SULT4A1: variants seen among roughly 807,000 people sequenced by gnomAD.
The protein encoded by SULT4A1 is sulfotransferase 4A1.
SULT4A1 carries 11 observed loss-of-function variants against 35.2 expected under a neutral mutation model. The ratio of observed to expected loss-of-function variants is 0.31; its 90% confidence interval spans 0.20 to 0.52. The LOEUF (loss-of-function observed/expected upper bound fraction) is 0.52, where lower values mean the gene tolerates loss of function less well. SULT4A1 is among the 20% of genes least tolerant of loss of function. The pLI is 0.97. For missense variants in SULT4A1, 271 were observed against 383.7 expected, an observed-to-expected ratio of 0.71 and a Z score of 2.45; for synonymous variants, 152 against 151.8, an observed-to-expected ratio of 1.00 and a Z score of -0.01.
intron 1 of SULT4A1, among the ~76,000 whole-genome samples, chr22:43,857,919 G>A (rs569316128): frequency 2.3e-4 from 35 of 151,814 alleles, no homozygotes; most frequent in African/African-American, 6.5e-4. Flanking sequence ...GTGTGGTGGC[G>A]CACACCTGCA....
intron 1 of SULT4A1, among the ~76,000 whole-genome samples, chr22:43,849,301 T>C (rs2063495907): frequency 6.6e-6 from 1 of 152,068 alleles, no homozygotes; most frequent in Non-Finnish European, 1.5e-5. Flanking sequence ...CAGGGAAAGA[T>C]GGGGCAGAAG....
chr22:43,860,133 C>G (rs1010160514), intron 1 of SULT4A1, among the ~76,000 whole-genome samples: 1 of 152,206 alleles, frequency 6.6e-6, no homozygotes, highest in African/African-American at 2.4e-5. Context: ...CAGGCCCTTC[C>G]GGCTCTGACC....
At chr22:43,861,922 C>T (rs967990705) in intron 1 of SULT4A1, among the ~76,000 whole-genome samples, 3 of 152,220 alleles carry the variant, frequency 2.0e-5, no homozygotes, top group African/African-American at 7.2e-5. Context: ...CGGCCCTGGG[C>T]CCATCCTCCT....
intron 1 of SULT4A1, among the ~76,000 whole-genome samples, chr22:43,843,479 C>G (rs2063449963): frequency 6.6e-6 from 1 of 152,222 alleles, no homozygotes; most frequent in Non-Finnish European, 1.5e-5. Context: ...GGTCATGAGA[C>G]CCCCAGTTCA....
chr22:43,848,888 G>A (rs376701790), intron 1 of SULT4A1, among the ~76,000 whole-genome samples: 2 of 152,254 alleles, frequency 1.3e-5, no homozygotes, highest in African/African-American at 4.8e-5. Flanking sequence ...ACAGGGCAGA[G>A]CCACCTGCTG....
intron 6 of SULT4A1, chr22:43,827,406 A>G: frequency 8.5e-7 from 1 of 1,178,306 alleles, no homozygotes; most frequent in African/African-American, 1.6e-5. Flanking sequence ...TAACCCTTTA[A>G]TGATACCTAA....
At chr22:43,860,040 C>A (rs1329859539) in intron 1 of SULT4A1, among the ~76,000 whole-genome samples, 1 of 152,146 alleles carries the variant, frequency 6.6e-6, no homozygotes, top group Non-Finnish European at 1.5e-5. Flanking sequence ...ATTATCATTG[C>A]CTTAGCCACC....
chr22:43,841,093 C>T (rs563877001), intron 2 of SULT4A1, among the ~76,000 whole-genome samples: 27 of 152,344 alleles, frequency 1.8e-4, no homozygotes, highest in African/African-American at 6.0e-4. Context: ...GCCCTCGGCA[C>T]GGCAGTACGG....
chr22:43,831,770 C>T (rs931597517), intron 5 of SULT4A1, among the ~76,000 whole-genome samples: 3 of 152,234 alleles, frequency 2.0e-5, no homozygotes, highest in Non-Finnish European at 4.4e-5. Flanking sequence ...GAGATGAAAC[C>T]GCGGTGGCCT....
rs2049486228 is a variant in SULT4A1, at chr22:43,862,457, GCGCCCCGCACA to G, written c.-86_-76del. ...CGCGCCCGCGCCCGCGCCCGCGCCC[GCGCCCCGCACA>G]CGCTCGCGCCCCACCGGCGCGCGGC... On this transcript the variant is annotated 5_prime_UTR_variant, in exon 1 of 7. Transcript: ENST00000330884. The G allele has an allele frequency of 1.3e-6, 1 of 747,038 alleles. No individual in the cohort carries two copies. Among genetic ancestry groups the G allele is most frequent in the African/African-American group, 1.9e-5 (1 of 52,778 alleles). 46.3% of individuals were successfully genotyped at this position (747,038 alleles called of 1,614,324 possible).
intron 6 of SULT4A1, chr22:43,827,200 G>A (rs2063293117): frequency 1.0e-6 from 1 of 985,286 alleles, no homozygotes; most frequent in Admixed American, 6.1e-5. Flanking sequence ...AGCTCTCTGA[G>A]ATCAGAGCTC....
intron 5 of SULT4A1, among the ~76,000 whole-genome samples, chr22:43,833,418 G>C (rs1206198562): frequency 1.3e-5 from 2 of 151,296 alleles, no homozygotes; most frequent in Non-Finnish European, 2.9e-5. Flanking sequence ...GGGTCCCTCA[G>C]CCTCGCACGG....
At position 43,862,474 on chromosome 22, in the gene SULT4A1, G is replaced by A. The variant is rs1289691898; in HGVS notation, c.-92C>T. ...CCGCGCCCGCGCCCCGCACACGCTC[G>A]CGCCCCACCGGCGCGCGGCGGCAGC... is the stretch of plus-strand genomic sequence containing the variant. On this transcript the variant is annotated 5_prime_UTR_variant, in exon 1 of 7. Transcript: ENST00000330884. 9.2e-6 allele frequency: 8 copies of A among 872,092 alleles called. No individual in the cohort carries two copies. The highest frequency in any genetic ancestry group is 5.7e-5 in the African/African-American group (3 of 52,430). The allele number at this position is 872,092 out of a possible 1,614,324, so 54.0% of individuals were successfully genotyped here. A position where few individuals can be genotyped will look rare whatever the true frequency, so the allele number is the denominator to read the frequency against.
At chr22:43,840,157 A>C (rs2063413470) in intron 2 of SULT4A1, 132 bp from the exon 3 acceptor site, 1 of 643,948 alleles carries the variant, frequency 1.6e-6, no homozygotes, top group Non-Finnish European at 2.6e-6. Flanking sequence ...ATCAGAGGGA[A>C]CGGCGGGTCT....
chr22:43,860,509 G>A (rs1462507486), intron 1 of SULT4A1, among the ~76,000 whole-genome samples: 3 of 152,066 alleles, frequency 2.0e-5, no homozygotes, highest in African/African-American at 7.3e-5. Flanking sequence ...TTCTCCCTCC[G>A]CAGAGACCAC....
At chr22:43,841,689 T>C in intron 2 of SULT4A1, 113 bp downstream of exon 2, 1 of 1,482,226 alleles carries the variant, frequency 6.7e-7, no homozygotes, top group South Asian at 1.4e-5. Flanking sequence ...TATCTGGGGC[T>C]ATCTGCTCTC....
chr22:43,862,240 A>G lies in SULT4A1; in HGVS notation c.143T>C (p.Val48Ala). The G allele has an allele frequency of 6.4e-7, 1 of 1,564,758 alleles. No homozygotes were observed. The highest frequency in any genetic ancestry group is 2.5e-5 in the East Asian group (1 of 39,494). Residue 48 changes from valine (V) to alanine (A), a missense_variant, in exon 1 of 7, where the codon GTG (valine) becomes GCG (alanine). Transcript: ENST00000330884. ...IANFPVRPSDVWIVTYPKSGT... is the reference protein window; with the variant it reads ...IANFPVRPSDAWIVTYPKSGT... ...GGACTTGGGGTAGGTGACGATCCAC[A>G]CGTCGCTGGGCCGCACCGGGAAGTT... is the stretch of plus-strand genomic sequence containing the variant.
chr22:43,847,477 G>C (rs1180889373), intron 1 of SULT4A1, among the ~76,000 whole-genome samples: 1 of 152,186 alleles, frequency 6.6e-6, no homozygotes, highest in African/African-American at 2.4e-5. Context: ...GGTGCCCTTG[G>C]GCATGGGCAT....
At chr22:43,852,996 G>T (rs2049358878) in intron 1 of SULT4A1, among the ~76,000 whole-genome samples, 1 of 152,054 alleles carries the variant, frequency 6.6e-6, no homozygotes, top group Admixed American at 6.6e-5. Context: ...TTTCGCTCCA[G>T]AACCAGAGTG....
Sources: gnomAD v4.1 joint callset for allele counts (sites outside exome capture counted in the v4.1 genomes callset) on GRCh38, gnomAD v4.1.1 for gene constraint, MANE v1.5 for transcripts, NCBI Gene and HGNC (gene_info 2026-07-23, HGNC 2026-07-21) for gene names.